PKNOX2: variants seen among roughly 807,000 people sequenced by gnomAD.
PKNOX2 encodes homeobox protein PKNOX2.
A neutral mutation model predicts 53.1 loss-of-function variants in PKNOX2; 14 were observed. The observed-to-expected ratio is 0.26, with a 90% CI of 0.17 to 0.41. The LOEUF (loss-of-function observed/expected upper bound fraction) is 0.41. Ranked by LOEUF, PKNOX2 falls within the 10% of genes least tolerant of loss-of-function variation. The pLI is 1.00. For synonymous variants in PKNOX2, 257 were observed against 242.8 expected (o/e 1.06, Z -0.54); for missense variants, 496 against 602.8 (o/e 0.82, Z 1.85).
intron 2 of PKNOX2, among the ~76,000 whole-genome samples, chr11:125,235,985 G>C (rs1007919784): frequency 5.9e-5 from 9 of 152,204 alleles, no homozygotes; most frequent in Admixed American, 3.9e-4. Flanking sequence ...CGCTGCTTAT[G>C]GGGCTACCTG....
chr11:125,200,040 C>T (rs2135397012), intron 1 of PKNOX2, among the ~76,000 whole-genome samples: 1 of 152,274 alleles, frequency 6.6e-6, no homozygotes, highest in African/African-American at 2.4e-5. Context: ...ATTCCACTTT[C>T]CCATCTATAG....
At chr11:125,390,257 T>A (rs1265998607) in intron 6 of PKNOX2, among the ~76,000 whole-genome samples, 1 of 152,220 alleles carries the variant, frequency 6.6e-6, no homozygotes, top group Non-Finnish European at 1.5e-5. Flanking sequence ...ATTATCCCCA[T>A]TTTAAGAGGA....
chr11:125,383,805 C>T (rs1175139856), intron 5 of PKNOX2, among the ~76,000 whole-genome samples: 1 of 152,182 alleles, frequency 6.6e-6, no homozygotes, highest in African/African-American at 2.4e-5. Flanking sequence ...GATTGCAGAA[C>T]ATTCCCACCA....
intron 3 of PKNOX2, among the ~76,000 whole-genome samples, chr11:125,346,760 G>GGAA (rs1950991531): frequency 6.7e-6 from 1 of 149,272 alleles, no homozygotes; most frequent in African/African-American, 2.6e-5. Flanking sequence ...AAGGAAGGAA[G>GGAA]GGAGGAAGGA....
chr11:125,391,096 A>G (rs1954025037), intron 6 of PKNOX2, among the ~76,000 whole-genome samples: 1 of 152,184 alleles, frequency 6.6e-6, no homozygotes, highest in Admixed American at 6.5e-5. Flanking sequence ...GTGAGGGAGA[A>G]TAGTTCCAGC....
intron 1 of PKNOX2, among the ~76,000 whole-genome samples, chr11:125,171,249 T>G (rs1346259193): frequency 6.6e-6 from 1 of 152,212 alleles, no homozygotes; most frequent in East Asian, 1.9e-4. Flanking sequence ...ACCCATTCCC[T>G]TTGTTCTTCC....
chr11:125,426,469 G>A (rs928218977), intron 10 of PKNOX2, among the ~76,000 whole-genome samples: 1 of 152,156 alleles, frequency 6.6e-6, no homozygotes, highest in Non-Finnish European at 1.5e-5. Context: ...CAACAGTTGT[G>A]GGCTGGTGAA....
intron 4 of PKNOX2, among the ~76,000 whole-genome samples, chr11:125,365,747 A>G (rs1219122971): frequency 6.6e-6 from 1 of 152,152 alleles, no homozygotes; most frequent in East Asian, 1.9e-4. Flanking sequence ...AATCCATGCA[A>G]TTGTCCACCA....
chr11:125,332,520 C>T (rs1341961830), intron 3 of PKNOX2: 1 of 152,080 alleles, frequency 6.6e-6, no homozygotes, highest in East Asian at 1.9e-4. Context: ...TTTTTTAAAT[C>T]CCCTTAAGTA....
intron 7 of PKNOX2, among the ~76,000 whole-genome samples, chr11:125,401,766 A>AGAGTGTGTGTGT (rs1555170945): frequency 1.3e-5 from 2 of 149,194 alleles, no homozygotes; most frequent in Admixed American, 6.7e-5. Context: ...GGAGCTTGTG[A>AGAGTGTGTGTGT]GTGTGTGTGT....
At position 125,382,601 on chromosome 11, in the gene PKNOX2, G is replaced by A. The variant is rs116470393; in HGVS notation, c.228-2950G>A. 2.2e-3 allele frequency among the ~76,000 whole-genome samples: 336 copies of A among 152,116 alleles called. 2 individuals are homozygous for A. Among genetic ancestry groups the A allele is most frequent in the African/African-American group, 7.7e-3 (321 of 41,504 alleles). On this transcript the variant is annotated intron_variant, in intron 5 of 12. Transcript: ENST00000298282. ...ATAAGGCGCAATAATTCATAACACC[G>A]TCTGGAATTTGCCTTTCATGTCCCT...
At chr11:125,235,512 G>A (rs1043745536) in intron 2 of PKNOX2, among the ~76,000 whole-genome samples, 10 of 152,238 alleles carry the variant, frequency 6.6e-5, no homozygotes. Context: ...TTTATAGCCT[G>A]CACTTGCTTT....
chr11:125,325,022 G>C (rs577677557), intron 2 of PKNOX2, among the ~76,000 whole-genome samples: 1 of 152,184 alleles, frequency 6.6e-6, no homozygotes, highest in Non-Finnish European at 1.5e-5. Context: ...GGGGCTGAAG[G>C]TTCCCCAAAT....
rs1167561920 is a variant in PKNOX2, at chr11:125,166,594, AG to A, written c.-201+1822del. The stretch of plus-strand genomic sequence containing the variant: ...CGGCGGGGCGGGAGCGGTGGCCCGC[AG>A]GGGCCGCGGCCTGCGATGAAGGCCG... On this transcript the variant is annotated intron_variant, in intron 1 of 12. Transcript: ENST00000298282. The surrounding 1 kb of genome is among the most constrained non-coding windows in gnomAD (Gnocchi z 4.0). Among the ~76,000 whole-genome samples, 1 of 152,080 alleles carries A rather than the reference AG, an allele frequency of 6.6e-6. No homozygotes were observed. Among genetic ancestry groups the A allele is most frequent in the East Asian group, 1.9e-4 (1 of 5,132 alleles).
intron 1 of PKNOX2, among the ~76,000 whole-genome samples, chr11:125,202,400 T>C (rs1163927400): frequency 6.6e-6 from 1 of 152,140 alleles, no homozygotes; most frequent in Non-Finnish European, 1.5e-5. Context: ...ACCACTGGCT[T>C]CTAGAGCCCA....
chr11:125,183,876 C>A (rs1956301473), intron 1 of PKNOX2, among the ~76,000 whole-genome samples: 1 of 152,000 alleles, frequency 6.6e-6, no homozygotes, highest in Admixed American at 6.6e-5. Context: ...ACGGTTACAC[C>A]CAGAGTGGAG....
At chr11:125,242,713 G>T (rs1049119362) in intron 2 of PKNOX2, among the ~76,000 whole-genome samples, 26 of 152,178 alleles carry the variant, frequency 1.7e-4, no homozygotes, top group Non-Finnish European at 3.7e-4. Flanking sequence ...AGTCTTTCAG[G>T]AGAGTGGCGG....
intron 5 of PKNOX2, among the ~76,000 whole-genome samples, chr11:125,382,437 A>G (rs1465087335): frequency 6.6e-6 from 1 of 152,156 alleles, no homozygotes; most frequent in Non-Finnish European, 1.5e-5. Flanking sequence ...CCGCACCCCC[A>G]CCACCTGGCA....
At chr11:125,419,900 A>C (rs915489387) in intron 10 of PKNOX2, among the ~76,000 whole-genome samples, 4 of 150,364 alleles carry the variant, frequency 2.7e-5, no homozygotes, top group Admixed American at 1.3e-4. Flanking sequence ...AAAAAAAAAA[A>C]GGCCGAGTGC....
Sources: gnomAD v4.1 joint callset for allele counts (sites outside exome capture counted in the v4.1 genomes callset) on GRCh38, gnomAD v4.1.1 for gene constraint, Gnocchi (gnomAD v3.1) non-coding constraint, MANE v1.5 for transcripts, NCBI Gene and HGNC (gene_info 2026-07-23, HGNC 2026-07-21) for gene names.